The following ZNF407 variants were observed in gnomAD, a reference collection of about 807,000 sequenced individuals.
ZNF407 encodes the protein zinc finger protein 407.
A neutral mutation model predicts 131.2 loss-of-function variants in ZNF407; 17 were observed. The observed-to-expected ratio is 0.13, with a 90% CI of 0.09 to 0.19. ZNF407 has a LOEUF of 0.19. Ranked by LOEUF, ZNF407 falls within the 10% of genes least tolerant of loss-of-function variation. The pLI, the probability that ZNF407 is intolerant of heterozygous loss-of-function variation, is 1.00. For missense variants in ZNF407, 2,681 were observed against 2,830.6 expected (o/e 0.95, Z 1.20); for synonymous variants, 1,156 against 1,062.0 (o/e 1.09, Z -1.72).
chr18:74,648,371 C>G (rs964551025), intron 3 of ZNF407, among the ~76,000 whole-genome samples: 5 of 152,086 alleles, frequency 3.3e-5, no homozygotes, highest in African/African-American at 1.2e-4. Flanking sequence ...GTTCCAGGGA[C>G]AATTGGGTGA....
chr18:74,947,201 T>A (rs1188404114), intron 8 of ZNF407, among the ~76,000 whole-genome samples: 1 of 152,154 alleles, frequency 6.6e-6, no homozygotes, highest in Non-Finnish European at 1.5e-5. Context: ...AGCAATTTTG[T>A]GGGGTTTTCT....
chr18:74,725,054 C>T (rs1032392220), intron 3 of ZNF407, among the ~76,000 whole-genome samples: 3 of 152,196 alleles, frequency 2.0e-5, no homozygotes, highest in South Asian at 2.1e-4. Flanking sequence ...GTTTATGTCA[C>T]GCATGTTCCT....
rs1255310587 is a variant in ZNF407 at position 75,031,678 on chromosome 18, C to A, written c.5429-31472C>A. Among the ~76,000 whole-genome samples, 8 of 152,190 alleles carry A rather than the reference C, an allele frequency of 5.3e-5. No individual in the cohort carries two copies. In the South Asian group the frequency reaches 1.7e-3, roughly 32 times the overall value. ...ATTCATTAAACTTTCATTAAAAATCCATCTTAGCACAGGCTAGATTAGCCA... is the reference window on the plus strand; with the variant it reads ...ATTCATTAAACTTTCATTAAAAATCAATCTTAGCACAGGCTAGATTAGCCA... On this transcript the variant is annotated intron_variant, in intron 8 of 8. Transcript: ENST00000299687.
intron 8 of ZNF407, among the ~76,000 whole-genome samples, chr18:74,940,328 C>T (rs570879483): frequency 2.6e-4 from 40 of 152,206 alleles, no homozygotes; most frequent in African/African-American, 8.7e-4. Context: ...GGCATGGAAA[C>T]GCCTGCCCCT....
chr18:74,610,733 A>C (rs1012455940), intron 1 of ZNF407, among the ~76,000 whole-genome samples: 1 of 151,802 alleles, frequency 6.6e-6, no homozygotes, highest in African/African-American at 2.4e-5. Flanking sequence ...TTTTTTTTTA[A>C]GTAGAGATGG....
At chr18:74,599,101 T>C (rs973855551) in intron 1 of ZNF407, among the ~76,000 whole-genome samples, 4 of 152,186 alleles carry the variant, frequency 2.6e-5, no homozygotes, top group African/African-American at 9.7e-5. Context: ...CAGAACCTTA[T>C]TAAGAAGAGC....
intron 8 of ZNF407, among the ~76,000 whole-genome samples, chr18:74,971,622 C>T (rs1972473475): frequency 6.6e-6 from 1 of 152,164 alleles, no homozygotes; most frequent in Non-Finnish European, 1.5e-5. Context: ...CAGCTTGGAC[C>T]TTATTTTCCT....
intron 3 of ZNF407, among the ~76,000 whole-genome samples, chr18:74,755,784 T>TC: frequency 7.0e-6 from 1 of 142,350 alleles, no homozygotes; most frequent in East Asian, 2.1e-4. Context: ...TCTCTCTCTC[T>TC]TTCCTTCCTT....
intron 4 of ZNF407, among the ~76,000 whole-genome samples, chr18:74,858,434 T>C (rs1296511203): frequency 6.6e-6 from 1 of 152,176 alleles, no homozygotes; most frequent in African/African-American, 2.4e-5. Flanking sequence ...ATGGTAGCCA[T>C]ACTACCTATC....
chr18:75,051,086 G>A (rs1307106104), intron 8 of ZNF407, among the ~76,000 whole-genome samples: 1 of 152,026 alleles, frequency 6.6e-6, no homozygotes, highest in African/African-American at 2.4e-5. Flanking sequence ...CAGGAAAGAT[G>A]AGCACACGTA....
intron 3 of ZNF407, among the ~76,000 whole-genome samples, chr18:74,752,687 A>G (rs1968834453): frequency 6.6e-6 from 1 of 152,026 alleles, no homozygotes; most frequent in Non-Finnish European, 1.5e-5. Flanking sequence ...ATGGTTGTAG[A>G]CGTGTGGTAT....
chr18:74,634,760 A>G lies in ZNF407; in HGVS notation c.3741A>G (p.Arg1247=). 3.7e-6 allele frequency: 6 copies of G among 1,614,008 alleles called. No homozygotes were observed. The highest frequency in any genetic ancestry group is 2.2e-5 in the East Asian group (1 of 44,884). ...AGDGGGVVPH[R]HLCPVTLDGE... is the part of the protein sequence containing the mutation. ...ACGGTGGAGGTGTTGTCCCCCACAGACACCTGTGCCCTGTGACGCTCGATG... is the reference window on the plus strand; with the variant it reads ...ACGGTGGAGGTGTTGTCCCCCACAGGCACCTGTGCCCTGTGACGCTCGATG... Residue 1247 remains arginine, a synonymous_variant, in exon 2 of 9, where the codon AGA becomes AGG. Coordinates refer to ENST00000299687, the MANE Select transcript of ZNF407 (RefSeq NM_017757.3).
At chr18:75,058,161 G>C (rs904268165) in intron 8 of ZNF407, among the ~76,000 whole-genome samples, 2 of 152,100 alleles carry the variant, frequency 1.3e-5, no homozygotes, top group African/African-American at 2.4e-5. Context: ...CCGCATAATG[G>C]AGCTTGTGTT....
At chr18:74,714,741 AGATT>A (rs1260117537) in intron 3 of ZNF407, among the ~76,000 whole-genome samples, 7 of 152,200 alleles carry the variant, frequency 4.6e-5, no homozygotes, top group Admixed American at 3.3e-4. Flanking sequence ...CCTGGAAATA[AGATT>A]TGTCAGCACT....
At chr18:74,994,241 T>TAAA (rs10651618) in intron 8 of ZNF407, among the ~76,000 whole-genome samples, 94 of 149,410 alleles carry the variant, frequency 6.3e-4, no homozygotes, top group Non-Finnish European at 9.8e-4. Flanking sequence ...AAATGGCTCA[T>TAAA]AAAAAAAAAA....
chr18:75,056,643 G>T (rs79766196), intron 8 of ZNF407, among the ~76,000 whole-genome samples: 1 of 152,190 alleles, frequency 6.6e-6, no homozygotes, highest in Non-Finnish European at 1.5e-5. Context: ...CCAGAGTCCA[G>T]TGGGAGCTCT....
chr18:74,847,898 C>G (rs938799026), intron 4 of ZNF407, among the ~76,000 whole-genome samples: 3 of 150,242 alleles, frequency 2.0e-5, no homozygotes, highest in Admixed American at 6.6e-5. Flanking sequence ...TCATCCTTCT[C>G]TCACGTTGGG....
intron 4 of ZNF407, among the ~76,000 whole-genome samples, chr18:74,811,084 G>A (rs1970187354): frequency 6.6e-6 from 1 of 151,946 alleles, no homozygotes. Context: ...AGAGTGAACA[G>A]GCAACCTACA....
At chr18:75,057,065 C>T (rs1459613078) in intron 8 of ZNF407, among the ~76,000 whole-genome samples, 2 of 152,090 alleles carry the variant, frequency 1.3e-5, no homozygotes, top group South Asian at 2.1e-4. Flanking sequence ...TTTTTTTAAT[C>T]GCATCGTATT....
Sources: gnomAD v4.1 joint callset for allele counts (sites outside exome capture counted in the v4.1 genomes callset) on GRCh38, gnomAD v4.1.1 for gene constraint, MANE v1.5 for transcripts, NCBI Gene and HGNC (gene_info 2026-07-23, HGNC 2026-07-21) for gene names.